RBFOX1: variants seen among roughly 807,000 people sequenced by gnomAD.
RBFOX1 encodes the protein RNA binding protein fox-1 homolog 1.
Under a neutral mutation model 57.7 loss-of-function variants are expected in RBFOX1, and 8 were observed. The observed-to-expected ratio is 0.14, with a 90% confidence interval of 0.08 to 0.25. The LOEUF (loss-of-function observed/expected upper bound fraction) is 0.25, where lower values mean the gene tolerates loss of function less well. Among genes scored for constraint, RBFOX1 ranks in the 10% least tolerant of loss-of-function variants. The pLI, the probability that RBFOX1 is intolerant of heterozygous loss-of-function variation, is 1.00. For synonymous variants in RBFOX1, 326 were observed against 222.4 expected (o/e 1.47, Z -4.15); for missense variants, 611 against 548.5 (o/e 1.11, Z -1.14).
intron 4 of RBFOX1, among the ~76,000 whole-genome samples, chr16:7,315,593 A>C (rs1392404031): frequency 1.3e-5 from 2 of 151,992 alleles, no homozygotes; most frequent in South Asian, 2.1e-4. Context: ...AATTGAAGCA[A>C]ATATTCATTG....
chr16:7,129,226 T>G (rs1416990194), intron 4 of RBFOX1, among the ~76,000 whole-genome samples: 2 of 152,088 alleles, frequency 1.3e-5, no homozygotes, highest in Non-Finnish European at 2.9e-5. Context: ...CTTTATATAG[T>G]TTTTATTGAT....
chr16:6,271,638 T>A (rs764018102), intron 1 of RBFOX1, among the ~76,000 whole-genome samples: 3 of 152,168 alleles, frequency 2.0e-5, no homozygotes, highest in Non-Finnish European at 4.4e-5. Context: ...ACTTTGCAGA[T>A]GTCAAAAAGG....
intron 3 of RBFOX1, among the ~76,000 whole-genome samples, chr16:6,976,239 A>C (rs1445121144): frequency 1.3e-5 from 2 of 152,176 alleles, no homozygotes; most frequent in African/African-American, 4.8e-5. Context: ...CATAGGGGAA[A>C]CTGAGGCACG....
intron 4 of RBFOX1, among the ~76,000 whole-genome samples, chr16:7,414,782 C>G (rs2098462934): frequency 6.6e-6 from 1 of 152,016 alleles, no homozygotes; most frequent in African/African-American, 2.4e-5. Context: ...CATGACTGGC[C>G]AATTTTTGTA....
At chr16:7,219,478 G>C (rs1231006182) in intron 4 of RBFOX1, among the ~76,000 whole-genome samples, 1 of 152,218 alleles carries the variant, frequency 6.6e-6, no homozygotes, top group Admixed American at 6.5e-5. Context: ...ATTTATAAAT[G>C]CATCTTTCCC....
intron 4 of RBFOX1, among the ~76,000 whole-genome samples, chr16:6,011,291 G>T (rs1026297510): frequency 8.5e-5 from 13 of 152,104 alleles, no homozygotes; most frequent in African/African-American, 2.9e-4. Flanking sequence ...AACCTTCATG[G>T]TTGACTTTAG....
chr16:7,155,332 G>A (rs1369039824), intron 4 of RBFOX1, among the ~76,000 whole-genome samples: 1 of 152,086 alleles, frequency 6.6e-6, no homozygotes, highest in Non-Finnish European at 1.5e-5. Context: ...GTGGCTACTT[G>A]TGATCCTGGC....
At chr16:5,289,882 A>G (rs1429299334) in intron 1 of RBFOX1, among the ~76,000 whole-genome samples, 1 of 152,354 alleles carries the variant, frequency 6.6e-6, no homozygotes, top group East Asian at 1.9e-4. Flanking sequence ...CAGTTTATGA[A>G]AGAAATGAAA....
intron 4 of RBFOX1, among the ~76,000 whole-genome samples, chr16:7,148,181 A>C (rs1487086077): frequency 6.6e-6 from 1 of 152,230 alleles, no homozygotes; most frequent in African/African-American, 2.4e-5. Flanking sequence ...GATTTACACC[A>C]AATACTGCCT....
At chr16:6,051,308 G>T (rs960136743) in intron 1 of RBFOX1, among the ~76,000 whole-genome samples, 1 of 151,744 alleles carries the variant, frequency 6.6e-6, no homozygotes, top group African/African-American at 2.4e-5. Flanking sequence ...TGGTACTCAG[G>T]CAAGAGAGTT....
At chr16:5,653,893 C>T (rs2049334028) in intron 3 of RBFOX1, among the ~76,000 whole-genome samples, 1 of 152,156 alleles carries the variant, frequency 6.6e-6, no homozygotes, top group Non-Finnish European at 1.5e-5. Context: ...CTCTCGGCCC[C>T]TGAAAGATGA....
At chr16:5,875,913 G>T (rs2057597340) in intron 4 of RBFOX1, among the ~76,000 whole-genome samples, 1 of 151,314 alleles carries the variant, frequency 6.6e-6, no homozygotes, top group Non-Finnish European at 1.5e-5. Context: ...GCGCCATCTG[G>T]GCTCACTGCA....
At chr16:5,544,279 C>A (rs1030363173) in intron 2 of RBFOX1, among the ~76,000 whole-genome samples, 1 of 152,164 alleles carries the variant, frequency 6.6e-6, no homozygotes, top group African/African-American at 2.4e-5. Flanking sequence ...AGAAGGAACT[C>A]TGGGAAATTC....
chr16:6,940,774 G>GTGTGTGTC (rs2078255699), intron 3 of RBFOX1, among the ~76,000 whole-genome samples: 1 of 93,692 alleles, frequency 1.1e-5, no homozygotes, highest in Non-Finnish European at 2.2e-5. Context: ...GTGTGTGTGT[G>GTGTGTGTC]TGTGTGTGTG....
intron 4 of RBFOX1, among the ~76,000 whole-genome samples, chr16:7,492,993 C>G (rs570672641): frequency 1.3e-5 from 2 of 152,164 alleles, no homozygotes; most frequent in African/African-American, 2.4e-5. Flanking sequence ...ATTCTCCTGC[C>G]TCAGCCTGCC....
At chr16:5,856,009 A>G (rs947210839) in intron 3 of RBFOX1, among the ~76,000 whole-genome samples, 22 of 131,902 alleles carry the variant, frequency 1.7e-4, no homozygotes, top group African/African-American at 5.9e-4. Context: ...TATCGTCAAT[A>G]AGATTACTTT....
At chr16:6,595,637 G>A (rs138068282) in intron 2 of RBFOX1, among the ~76,000 whole-genome samples, 10 of 152,232 alleles carry the variant, frequency 6.6e-5, no homozygotes, top group African/African-American at 9.6e-5. Context: ...CTTCCAAACC[G>A]TTTTCCAACG....
chr16:7,459,844 T>C (rs942855279), intron 4 of RBFOX1, among the ~76,000 whole-genome samples: 3 of 152,202 alleles, frequency 2.0e-5, no homozygotes, highest in African/African-American at 7.2e-5. Flanking sequence ...ACATACACAT[T>C]TATTACTACT....
chr16:6,559,913 C>G (rs1212482948), intron 2 of RBFOX1, among the ~76,000 whole-genome samples: 1 of 152,076 alleles, frequency 6.6e-6, no homozygotes. Context: ...CCTGAGTTCT[C>G]ATTAATTGAA....
Sources: gnomAD v4.1 joint callset for allele counts (sites outside exome capture counted in the v4.1 genomes callset) on GRCh38, gnomAD v4.1.1 for gene constraint, MANE v1.5 for transcripts, NCBI Gene and HGNC (gene_info 2026-07-23, HGNC 2026-07-21) for gene names.